CSF3R: variants seen among roughly 807,000 people sequenced by gnomAD.
CSF3R encodes granulocyte colony-stimulating factor receptor.
CSF3R carries 52 observed loss-of-function variants against 84.4 expected under a neutral mutation model. The observed-to-expected ratio is 0.62, with a 90% CI of 0.49 to 0.78. The LOEUF is 0.78. CSF3R is among the 30% of genes least tolerant of loss of function. The pLI is 0.00. For missense variants in CSF3R, 890 were observed against 1,055.7 expected (o/e 0.84, Z 2.17); for synonymous variants, 384 against 429.1 (o/e 0.89, Z 1.30).
Position 36,467,412 on chromosome 1 carries a change from G to T in CSF3R, c.1959-101C>A. The T allele has an allele frequency of 2.1e-6, 3 of 1,423,154 alleles. No homozygotes were observed. The highest frequency in any genetic ancestry group is 3.0e-6 in the Non-Finnish European group (3 of 1,007,162). 88.2% of individuals were successfully genotyped at this position (1,423,154 alleles called of 1,614,324 possible). ...CTGAAGAGGTGCAGCTGCCCTTAGT[G>T]CAGAGAGAAGAAGCTGGGGGCTGGG... is the stretch of plus-strand genomic sequence containing the variant. On this transcript the variant is annotated intron_variant, in intron 15 of 16. Coordinates refer to ENST00000373106, the MANE Select transcript of CSF3R (RefSeq NM_000760.4). This position sits in a 1 kb window ranked among gnomAD's most constrained non-coding sequence, Gnocchi z 4.1.
chr1:36,473,992 T>TTGTCACCTTGTC lies in CSF3R; in HGVS notation c.362-117_362-106dup. On this transcript the variant is annotated intron_variant, in intron 4 of 16. Transcript: ENST00000373106. ...GCCTTGCCCTGGCTTGGTTCCTCTG[T>TTGTCACCTTGTC]TGTCACCTTGTCTGTCCCCCTGTCT... 3 of 1,524,074 alleles carry TTGTCACCTTGTC rather than the reference T, an allele frequency of 2.0e-6. No individual in the cohort carries two copies. In the South Asian group the frequency reaches 3.4e-5, roughly 17 times the overall value. 94.4% of individuals were successfully genotyped at this position (1,524,074 alleles called of 1,614,324 possible).
chr1:36,481,060 TC>T (rs1651489121), intron 2 of CSF3R, among the ~76,000 whole-genome samples: 1 of 152,192 alleles, frequency 6.6e-6, no homozygotes, highest in Admixed American at 6.5e-5. Context: ...AGTTTGATTA[TC>T]CCCCCGCAAC....
chr1:36,472,847 T>G lies in CSF3R; in HGVS notation c.674-161A>C. 1 of 878,876 alleles carries G rather than the reference T, an allele frequency of 1.1e-6. No homozygotes were observed. Among genetic ancestry groups the G allele is most frequent in the Non-Finnish European group, 1.7e-6 (1 of 597,414 alleles). The allele number at this position is 878,876 out of a possible 1,614,324, so 54.4% of individuals were successfully genotyped here. ...ATGTGTCTTTGTTTCTCTCTAGGTC[T>G]CTGTTTCCGCTCTTGCCCCAGGGCC... On this transcript the variant is annotated intron_variant, in intron 6 of 16. Coordinates refer to ENST00000373106, the MANE Select transcript of CSF3R (RefSeq NM_000760.4). The surrounding 1 kb of genome is among the most constrained non-coding windows in gnomAD (Gnocchi z 5.0).
chr1:36,473,966 T>C (rs2124130034), intron 4 of CSF3R, 79 bp from the exon 5 acceptor site: 1 of 1,603,656 alleles, frequency 6.2e-7, no homozygotes, highest in Admixed American at 1.7e-5. Flanking sequence ...CTGGCCCTGT[T>C]GCCTTGCCCT....
Position 36,466,434 on chromosome 1 carries a change from C to T in CSF3R, c.2434G>A (p.Val812Ile), listed in dbSNP as rs528303671. The change falls in exon 17 of 17, where the codon GTC becomes ATC. Residue 812 changes from valine to isoleucine, a missense_variant. Val to Ile is a conservative substitution (Grantham distance 29). Coordinates refer to ENST00000373106, the MANE Select transcript of CSF3R (RefSeq NM_000760.4). The surrounding 1 kb of genome is among the most constrained non-coding windows in gnomAD (Gnocchi z 4.6). ...GGGAAGTTGAGCAGTGGCCCAAAGA[C>T]ACAGTCGTCCTCCTGGCTTGGGGCT... ...TPAPSQEDDC[V>I]FGPLLNFPLL... 4.5e-5 allele frequency: 73 copies of T among 1,613,624 alleles called. 2 individuals carry two copies. In the Admixed American group the frequency reaches 1.1e-3, roughly 25 times the overall value.
At chr1:36,474,039 G>C (rs1179266502) in intron 4 of CSF3R, 152 bp from the exon 5 acceptor site, 1 of 1,166,178 alleles carries the variant, frequency 8.6e-7, no homozygotes, top group Non-Finnish European at 1.2e-6. Flanking sequence ...GGCTCTGGAA[G>C]GGCAGCCCTG....
rs757569036 is a variant in CSF3R, at chr1:36,473,540, G to T, written c.568C>A (p.Arg190Ser). ...TTCTGGTACAACAGCAGGTGTTTGC[G>T]TGGGATGCAGCAGTGGCTCTGCCCG... Reference protein sequence around the residue: ...KDGQSHCCIPRKHLLLYQNMG... With the variant: ...KDGQSHCCIPSKHLLLYQNMG... The change falls in exon 6 of 17, where the codon CGC becomes AGC. Residue 190 changes from arginine to serine, a missense_variant. Coordinates refer to ENST00000373106, the MANE Select transcript of CSF3R (RefSeq NM_000760.4). The T allele has an allele frequency of 1.2e-6, 2 of 1,614,170 alleles. No homozygotes were observed. Among genetic ancestry groups the T allele is most frequent in the Admixed American group, 1.7e-5 (1 of 60,030 alleles).
At chr1:36,468,244 G>C (rs1276404587) in intron 12 of CSF3R, 23 bp from the exon 13 acceptor site, 4 of 1,555,562 alleles carry the variant, frequency 2.6e-6, no homozygotes, top group Non-Finnish European at 2.6e-6. Flanking sequence ...AGAGGTGCGG[G>C]GGCTGAAGGG....
In CSF3R at chr1:36,466,338, A is replaced by G; in HGVS notation, c.*19T>C. On this transcript the variant is annotated 3_prime_UTR_variant, in exon 17 of 17. Coordinates refer to ENST00000373106, the MANE Select transcript of CSF3R (RefSeq NM_000760.4). The surrounding 1 kb of genome is among the most constrained non-coding windows in gnomAD (Gnocchi z 4.6). ...CAGGCCTTTAAGAGGCAGGCCCAAG[A>G]AGGGAACCCCAGGAAGCCCTAGAAG... 1 of 1,612,344 alleles carries G rather than the reference A, an allele frequency of 6.2e-7. No homozygotes were observed. The highest frequency in any genetic ancestry group is 1.1e-5 in the South Asian group (1 of 90,976).
At position 36,472,324 on chromosome 1, in the gene CSF3R, G is replaced by C. The variant is rs201991840; in HGVS notation, c.911C>G (p.Thr304Ser). 51 of 1,614,096 alleles carry C rather than the reference G, an allele frequency of 3.2e-5. No individual in the cohort carries two copies. The East Asian group carries it at 7.8e-4, about 25-fold the overall frequency. Residue 304 changes from threonine to serine, a missense_variant, in exon 8 of 17, where the codon ACC becomes AGC. By Grantham distance (58) the Thr-to-Ser change is moderately conservative (BLOSUM62 1). Transcript: ENST00000373106. The surrounding 1 kb of genome is among the most constrained non-coding windows in gnomAD (Gnocchi z 5.0). ...CCAGCGGATGCAGCGTATCTGCAGGGTGTAGGCCGTGGCTGGGAGGAGCCC... is the reference window on the plus strand; with the variant it reads ...CCAGCGGATGCAGCGTATCTGCAGGCTGTAGGCCGTGGCTGGGAGGAGCCC... The part of the protein sequence containing the change: ...LCGLLPATAY[T>S]LQIRCIRWPL...
chr1:36,466,197 C>A lies in CSF3R; in HGVS notation c.*160G>T. On this transcript the variant is annotated 3_prime_UTR_variant, in exon 17 of 17. Coordinates refer to ENST00000373106, the MANE Select transcript of CSF3R (RefSeq NM_000760.4). This position sits in a 1 kb window ranked among gnomAD's most constrained non-coding sequence, Gnocchi z 4.6. Reference sequence around the variant, plus strand: ...AAGTATGCAGATCGCCTGGGAGGCCCAGCCTATGGAGATTGGGAGGAGAGG... The same window carrying A: ...AAGTATGCAGATCGCCTGGGAGGCCAAGCCTATGGAGATTGGGAGGAGAGG... The A allele has an allele frequency of 6.2e-7, 1 of 1,614,140 alleles. No homozygotes were observed. The highest frequency in any genetic ancestry group is 8.5e-7 in the Non-Finnish European group (1 of 1,180,026).
intron 4 of CSF3R, among the ~76,000 whole-genome samples, chr1:36,474,415 T>TTTTTA: frequency 7.2e-6 from 1 of 139,454 alleles, no homozygotes; most frequent in African/African-American, 2.9e-5. Flanking sequence ...TTTTTTTTTT[T>TTTTTA]GAGACAGAGT....
At chr1:36,470,986 C>T (rs1056437097) in intron 10 of CSF3R, among the ~76,000 whole-genome samples, 4 of 152,048 alleles carry the variant, frequency 2.6e-5, no homozygotes, top group Admixed American at 6.6e-5. Context: ...AAACAGAGGC[C>T]GGGGATGGGA....
In CSF3R at chr1:36,473,779, G is replaced by T. The variant is rs1205925228; in HGVS notation, c.470C>A (p.Thr157Asn). ...CCCTCCTCACTTGAAACTCTTCAGAGTGAAGCTGGTGGGTAGGTGGGTCTC... is the reference window on the plus strand; with the variant it reads ...CCCTCCTCACTTGAAACTCTTCAGATTGAAGCTGGTGGGTAGGTGGGTCTC... Reference protein sequence around the residue: ...GPETHLPTSFTLKSFKSRGNC... With the variant: ...GPETHLPTSFNLKSFKSRGNC... Residue 157 changes from threonine to asparagine, a missense_variant, in exon 5 of 17, where the codon ACT becomes AAT. Transcript: ENST00000373106. The T allele has an allele frequency of 6.2e-7, 1 of 1,614,266 alleles. No homozygotes were observed. The highest frequency in any genetic ancestry group is 1.1e-5 in the South Asian group (1 of 91,090).
At chr1:36,474,985 A>G (rs1224186707) in intron 4 of CSF3R, among the ~76,000 whole-genome samples, 2 of 151,662 alleles carry the variant, frequency 1.3e-5, no homozygotes, top group South Asian at 2.1e-4. Context: ...TAAGAGCTCA[A>G]TAGGTAGTAC....
chr1:36,479,323 G>T (rs2124152149), intron 3 of CSF3R, 110 bp downstream of exon 3: 1 of 1,100,350 alleles, frequency 9.1e-7, no homozygotes, highest in Non-Finnish European at 1.4e-6. Flanking sequence ...CTTGAATCTT[G>T]TGGGATTCTC....
chr1:36,473,649 A>T (rs1263790433), intron 5 of CSF3R, 27 bp from the exon 6 acceptor site: 1 of 1,613,942 alleles, frequency 6.2e-7, no homozygotes, highest in Middle Eastern at 1.6e-4. Context: ...CTTGGGTGCC[A>T]AGCAGAGGAA....
chr1:36,479,515 A>C lies in CSF3R; in HGVS notation c.-19T>G. Reference sequence around the variant, plus strand: ...TTGCCATAGCACCAACTTGATGTTCACCTGTAGGCAGAAGGGTTGTTTAAG... The same window carrying C: ...TTGCCATAGCACCAACTTGATGTTCCCCTGTAGGCAGAAGGGTTGTTTAAG... On this transcript the variant is annotated splice_region_variant and 5_prime_UTR_variant, in exon 3 of 17. Coordinates refer to ENST00000373106, the MANE Select transcript of CSF3R (RefSeq NM_000760.4). 1 of 1,613,020 alleles carries C rather than the reference A, an allele frequency of 6.2e-7. No individual in the cohort carries two copies. The highest frequency in any genetic ancestry group is 8.5e-7 in the Non-Finnish European group (1 of 1,179,010).
In CSF3R at chr1:36,467,660, A is replaced by C; in HGVS notation, c.1865-9T>G. ...GTGTAGCTCCGACCCCTCTGCAGTG[A>C]GGGCAGGGCCGGAAGAAGTTAGAAT... On this transcript the variant is annotated splice_polypyrimidine_tract_variant and intron_variant, in intron 14 of 16. Transcript: ENST00000373106. This position sits in a 1 kb window ranked among gnomAD's most constrained non-coding sequence, Gnocchi z 4.1. The C allele has an allele frequency of 1.2e-6, 2 of 1,614,102 alleles. No homozygotes were observed. The highest frequency in any genetic ancestry group is 1.1e-5 in the South Asian group (1 of 91,076).
Sources: gnomAD v4.1 joint callset for allele counts (sites outside exome capture counted in the v4.1 genomes callset) on GRCh38, gnomAD v4.1.1 for gene constraint, Gnocchi (gnomAD v3.1) non-coding constraint, MANE v1.5 for transcripts, NCBI Gene and HGNC (gene_info 2026-07-23, HGNC 2026-07-21) for gene names.